The following ZNF385D variants were observed in gnomAD, a reference collection of about 807,000 sequenced individuals.
ZNF385D encodes zinc finger protein 385D.
Under a neutral mutation model 35.8 loss-of-function variants are expected in ZNF385D, and 15 were observed. That is an observed-to-expected ratio of 0.42 (90% CI 0.28 to 0.64). The LOEUF (loss-of-function observed/expected upper bound fraction) is 0.64. Ranked by LOEUF, ZNF385D falls within the 30% of genes least tolerant of loss-of-function variation. The pLI is 0.23. For synonymous variants in ZNF385D, 212 were observed against 186.8 expected (o/e 1.13, Z -1.10); for missense variants, 474 against 494.6 (o/e 0.96, Z 0.39).
At chr3:21,995,296 G>A (rs566304441) in intron 3 of ZNF385D, among the ~76,000 whole-genome samples, 137 of 152,338 alleles carry the variant, frequency 9.0e-4, no homozygotes, top group Admixed American at 2.6e-3. Context: ...GGCCATGTGG[G>A]TCAATTCCCA....
intron 5 of ZNF385D, among the ~76,000 whole-genome samples, chr3:21,431,433 T>G (rs1216960371): frequency 6.6e-6 from 1 of 152,170 alleles, no homozygotes. Flanking sequence ...ACTTCTGTGA[T>G]GATAAAAATA....
chr3:21,986,184 T>A (rs1237714317), intron 3 of ZNF385D, among the ~76,000 whole-genome samples: 1 of 52,380 alleles, frequency 1.9e-5, no homozygotes, highest in African/African-American at 1.8e-4. Flanking sequence ...CTGCTCTGAT[T>A]TTAGTTATTT....
chr3:22,111,243 A>G (rs969519762), intron 3 of ZNF385D, among the ~76,000 whole-genome samples: 1 of 128,894 alleles, frequency 7.8e-6, no homozygotes, highest in Non-Finnish European at 1.6e-5. Context: ...ATAAACTGCT[A>G]TATTTACTTA....
chr3:21,808,591 G>A (rs998518019), intron 3 of ZNF385D, among the ~76,000 whole-genome samples: 2 of 152,194 alleles, frequency 1.3e-5, no homozygotes, highest in African/African-American at 2.4e-5. Flanking sequence ...CCAGTGCTGT[G>A]GCCATAGAGC....
intron 3 of ZNF385D, among the ~76,000 whole-genome samples, chr3:22,118,596 T>C (rs1057255448): frequency 6.6e-6 from 1 of 151,874 alleles, no homozygotes; most frequent in South Asian, 2.1e-4. Flanking sequence ...GCAATTCAAC[T>C]TTTTTTTCCC....
At chr3:21,816,243 G>C (rs982281111) in intron 3 of ZNF385D, among the ~76,000 whole-genome samples, 1 of 152,090 alleles carries the variant, frequency 6.6e-6, no homozygotes, top group Non-Finnish European at 1.5e-5. Flanking sequence ...AGCAAAAACT[G>C]GAAGCATTCC....
intron 3 of ZNF385D, among the ~76,000 whole-genome samples, chr3:21,528,556 A>G (rs1195186929): frequency 6.6e-6 from 1 of 152,212 alleles, no homozygotes; most frequent in African/African-American, 2.4e-5. Context: ...TTAAAACAAT[A>G]TGATGGAAGG....
intron 2 of ZNF385D, among the ~76,000 whole-genome samples, chr3:22,258,863 T>C (rs1363344646): frequency 1.3e-5 from 2 of 151,836 alleles, no homozygotes; most frequent in African/African-American, 4.8e-5. Context: ...AAAATCTCTT[T>C]GCTTTGGTAT....
chr3:21,455,708 G>A (rs962699786), intron 4 of ZNF385D, among the ~76,000 whole-genome samples: 27 of 152,206 alleles, frequency 1.8e-4, no homozygotes, highest in African/African-American at 6.3e-4. Context: ...AACACCAAAA[G>A]CAATGGCAAC....
At chr3:22,115,110 G>T (rs889982376) in intron 3 of ZNF385D, among the ~76,000 whole-genome samples, 1 of 152,016 alleles carries the variant, frequency 6.6e-6, no homozygotes, top group Non-Finnish European at 1.5e-5. Context: ...TTCTAAACTT[G>T]CCCACTGTGT....
intron 2 of ZNF385D, among the ~76,000 whole-genome samples, chr3:22,217,422 T>C (rs1483834681): frequency 6.6e-6 from 1 of 152,116 alleles, no homozygotes; most frequent in African/African-American, 2.4e-5. Context: ...TCATACCTGA[T>C]TAAAACAAAA....
chr3:21,823,667 G>C (rs562612781), intron 3 of ZNF385D, among the ~76,000 whole-genome samples: 2 of 152,228 alleles, frequency 1.3e-5, no homozygotes, highest in African/African-American at 2.4e-5. Flanking sequence ...CTCAACCAGT[G>C]AAACAAAATT....
At chr3:21,673,202 T>C (rs770845279) in intron 1 of ZNF385D, among the ~76,000 whole-genome samples, 8 of 152,142 alleles carry the variant, frequency 5.3e-5, no homozygotes, top group Non-Finnish European at 1.0e-4. Flanking sequence ...ATGGTGGCCA[T>C]TGACAGTCAC....
intron 3 of ZNF385D, among the ~76,000 whole-genome samples, chr3:21,970,005 G>A (rs1703148574): frequency 6.6e-6 from 1 of 152,186 alleles, no homozygotes; most frequent in East Asian, 1.9e-4. Context: ...TATTGAGCTT[G>A]GGTGTCCCCT....
At position 21,538,898 on chromosome 3, in the gene ZNF385D, A is replaced by T. The variant is rs184114035; in HGVS notation, c.276+25676T>A. 3.3e-5 allele frequency among the ~76,000 whole-genome samples: 5 copies of T among 152,188 alleles called. No homozygotes were observed. In the East Asian group the frequency reaches 9.7e-4, roughly 29 times the overall value. On this transcript the variant is annotated intron_variant, in intron 3 of 7. Coordinates refer to ENST00000281523, the MANE Select transcript of ZNF385D (RefSeq NM_024697.3). ...GTTTTATAAATATACAAATATTGCC[A>T]CTTATGTTGGGGTGATTCAAAGTCA...
At chr3:21,857,927 A>G (rs892979410) in intron 3 of ZNF385D, among the ~76,000 whole-genome samples, 1 of 151,970 alleles carries the variant, frequency 6.6e-6, no homozygotes, top group African/African-American at 2.4e-5. Flanking sequence ...CTTTAAATAC[A>G]GTTTCAAAGG....
chr3:21,666,758 A>C (rs183248765), intron 1 of ZNF385D, among the ~76,000 whole-genome samples: 202 of 152,280 alleles, frequency 1.3e-3, no homozygotes, highest in Middle Eastern at 3.4e-3. Context: ...ACCAAAATAA[A>C]TTTTTGGATG....
chr3:21,458,684 G>T (rs1702978229), intron 4 of ZNF385D, among the ~76,000 whole-genome samples: 1 of 151,968 alleles, frequency 6.6e-6, no homozygotes. Flanking sequence ...CTAAATAAAA[G>T]AAATCGGCCA....
chr3:21,730,655 T>C (rs954484653), intron 1 of ZNF385D, among the ~76,000 whole-genome samples: 2 of 152,216 alleles, frequency 1.3e-5, no homozygotes, highest in Non-Finnish European at 2.9e-5. Flanking sequence ...AGAAAAAAAG[T>C]GTAATTCCTG....
Sources: gnomAD v4.1 joint callset for allele counts (sites outside exome capture counted in the v4.1 genomes callset) on GRCh38, gnomAD v4.1.1 for gene constraint, MANE v1.5 for transcripts, NCBI Gene and HGNC (gene_info 2026-07-23, HGNC 2026-07-21) for gene names.